Variants in OGDH observed in about 807,000 individuals in gnomAD.
The protein encoded by OGDH is oxoglutarate dehydrogenase, also known as 2-oxoglutarate dehydrogenase complex component E1.
OGDH carries 38 observed loss-of-function variants against 116.6 expected under a neutral mutation model. The ratio of observed to expected loss-of-function variants is 0.33; its 90% CI spans 0.25 to 0.43. The LOEUF is 0.43. OGDH is among the 20% of genes least tolerant of loss of function. The pLI is 1.00. For missense variants in OGDH, 825 were observed against 1,357.2 expected (o/e 0.61, Z 6.16); for synonymous variants, 488 against 533.3 (o/e 0.92, Z 1.17).
intron 9 of OGDH, among the ~76,000 whole-genome samples, chr7:44,678,605 C>T (rs905855842): frequency 3.9e-5 from 6 of 152,142 alleles, no homozygotes; most frequent in South Asian, 2.1e-4. Context: ...TTCCAGTCTA[C>T]ACAAACCTTG....
chr7:44,616,792 TA>T (rs1784801160), intron 1 of OGDH, among the ~76,000 whole-genome samples: 1 of 115,242 alleles, frequency 8.7e-6, no homozygotes, highest in Non-Finnish European at 1.8e-5. Context: ...TGCATATATA[TA>T]TGTGTATATA....
chr7:44,679,121 G>A lies in OGDH; in HGVS notation c.1207-2599G>A, dbSNP rs78784451. 4.2e-3 allele frequency among the ~76,000 whole-genome samples: 636 copies of A among 152,312 alleles called. 8 individuals carry two copies. Among genetic ancestry groups the A allele is most frequent in the African/African-American group, 0.015 (614 of 41,568 alleles). ...GCAGACAGTTACCACAGTGCAGTATGGCATGGTAGTCGCAGTACAACATCA... is the reference window on the plus strand; with the variant it reads ...GCAGACAGTTACCACAGTGCAGTATAGCATGGTAGTCGCAGTACAACATCA... On this transcript the variant is annotated intron_variant, in intron 9 of 22. Transcript: ENST00000222673.
chr7:44,609,201 G>C (rs12112075), intron 1 of OGDH, among the ~76,000 whole-genome samples: 1 of 151,946 alleles, frequency 6.6e-6, no homozygotes, highest in South Asian at 2.1e-4. Flanking sequence ...AGGTTGTTGC[G>C]TGTTATGGGT....
intron 20 of OGDH, among the ~76,000 whole-genome samples, chr7:44,704,955 C>T (rs1470935929): frequency 6.6e-6 from 1 of 151,958 alleles, no homozygotes; most frequent in East Asian, 1.9e-4. Flanking sequence ...AGGTGATCTG[C>T]CCACCACAGC....
At chr7:44,643,772 G>A (rs942598544) in intron 2 of OGDH, among the ~76,000 whole-genome samples, 9 of 152,186 alleles carry the variant, frequency 5.9e-5, no homozygotes, top group African/African-American at 2.2e-4. Flanking sequence ...TTGTTAGAAG[G>A]AGAATGCAAA....
At chr7:44,638,730 C>T (rs1479215793) in intron 2 of OGDH, among the ~76,000 whole-genome samples, 2 of 152,248 alleles carry the variant, frequency 1.3e-5, no homozygotes, top group Admixed American at 6.5e-5. Context: ...TCTCAGTGAG[C>T]CATCAGCCAC....
Position 44,645,342 on chromosome 7 carries a change from T to C in OGDH, c.238T>C (p.Phe80Leu). Residue 80 changes from phenylalanine to leucine, a missense_variant, in exon 3 of 23, where the codon TTT becomes CTT. Coordinates refer to ENST00000222673, the MANE Select transcript of OGDH (RefSeq NM_002541.4). ...TTGTCTTTAGTCATGGGACATTTTTTTTCGCAACACGAATGCCGGAGCCCC... is the reference window on the plus strand; with the variant it reads ...TTGTCTTTAGTCATGGGACATTTTTCTTCGCAACACGAATGCCGGAGCCCC... ...KSVHKSWDIF[F>L]RNTNAGAPPG... is the part of the protein sequence containing the mutation. 6.2e-7 allele frequency: 1 copy of C among 1,614,094 alleles called. No homozygotes were observed. Among genetic ancestry groups the C allele is most frequent in the Non-Finnish European group, 8.5e-7 (1 of 1,179,982 alleles).
At chr7:44,646,006 A>G (rs1194803988) in intron 3 of OGDH, among the ~76,000 whole-genome samples, 1 of 152,116 alleles carries the variant, frequency 6.6e-6, no homozygotes, top group African/African-American at 2.4e-5. Context: ...GCCTACAGAG[A>G]GTGATGAGGG....
chr7:44,707,473 T>C lies in OGDH; in HGVS notation c.2796+85T>C, dbSNP rs1789134933. 1.3e-6 allele frequency: 2 copies of C among 1,595,532 alleles called. No homozygotes were observed. Among genetic ancestry groups the C allele is most frequent in the East Asian group, 4.5e-5 (2 of 44,716 alleles). On this transcript the variant is annotated intron_variant, in intron 21 of 22. Transcript: ENST00000222673. The surrounding 1 kb of genome is among the most constrained non-coding windows in gnomAD (Gnocchi z 5.2). ...TCACAGAACAGCCTTGCTTGGGGTGTGGCCCTCAGGTTCCTGACCTTCCCT... is the reference window on the plus strand; with the variant it reads ...TCACAGAACAGCCTTGCTTGGGGTGCGGCCCTCAGGTTCCTGACCTTCCCT...
intron 2 of OGDH, among the ~76,000 whole-genome samples, chr7:44,639,748 G>A (rs1164317969): frequency 6.6e-6 from 1 of 152,180 alleles, no homozygotes; most frequent in Admixed American, 6.5e-5. Flanking sequence ...CTGAAGGTGG[G>A]GCAGGGTGCT....
At chr7:44,612,149 A>G (rs1784590453) in intron 1 of OGDH, among the ~76,000 whole-genome samples, 1 of 152,118 alleles carries the variant, frequency 6.6e-6, no homozygotes, top group Non-Finnish European at 1.5e-5. Flanking sequence ...CGTTTGTTTG[A>G]GAAGACTGTT....
At chr7:44,666,974 C>G in intron 5 of OGDH, 123 bp downstream of exon 5, 2 of 626,004 alleles carry the variant, frequency 3.2e-6, no homozygotes, top group African/African-American at 1.9e-5. Flanking sequence ...TTCTCTGAGA[C>G]AGAGTTACTG....
At chr7:44,664,255 T>G (rs911126815) in intron 4 of OGDH, among the ~76,000 whole-genome samples, 2 of 152,228 alleles carry the variant, frequency 1.3e-5, no homozygotes, top group African/African-American at 4.8e-5. Flanking sequence ...CACTCAAGTA[T>G]CCACCGTTAC....
intron 2 of OGDH, among the ~76,000 whole-genome samples, chr7:44,632,200 A>G (rs1449371350): frequency 6.6e-6 from 1 of 152,154 alleles, no homozygotes; most frequent in African/African-American, 2.4e-5. Context: ...TGGGATCCCC[A>G]AGAGCAGGAG....
intron 6 of OGDH, 147 bp from the exon 7 acceptor site, chr7:44,674,264 C>G (rs112069450): frequency 4.4e-6 from 4 of 912,508 alleles, no homozygotes; most frequent in Non-Finnish European, 6.8e-6. Context: ...AGGCTGGTCT[C>G]GAACTCCTGA....
At chr7:44,668,229 G>T (rs1242113532) in intron 5 of OGDH, among the ~76,000 whole-genome samples, 3 of 152,120 alleles carry the variant, frequency 2.0e-5, no homozygotes, top group Admixed American at 6.5e-5. Context: ...ATAAGGTCGG[G>T]AGTTCAAGAC....
At position 44,676,346 on chromosome 7, in the gene OGDH, G is replaced by A. The variant is rs1023727716; in HGVS notation, c.1206+197G>A. On this transcript the variant is annotated intron_variant, in intron 9 of 22. Transcript: ENST00000222673. The stretch of plus-strand genomic sequence containing the variant: ...CGAGGTGGGCAGATCACCTGAGTTC[G>A]GGAGTTGGAGACCAGCCTGACCAAC... 5.2e-5 allele frequency: 64 copies of A among 1,221,512 alleles called. 1 individual carries two copies. The highest frequency in any genetic ancestry group is 5.0e-4 in the South Asian group (33 of 65,780). 75.7% of individuals were successfully genotyped at this position (1,221,512 alleles called of 1,614,324 possible).
chr7:44,624,872 A>AAGAC (rs757286785), intron 2 of OGDH, among the ~76,000 whole-genome samples: 1 of 152,122 alleles, frequency 6.6e-6, no homozygotes, highest in Admixed American at 6.6e-5. Flanking sequence ...GAAAGAAAGA[A>AAGAC]AGTGTGTGGA....
Position 44,650,432 on chromosome 7 carries a change from C to T in OGDH, c.517+2673C>T, listed in dbSNP as rs116107144. Among the ~76,000 whole-genome samples the T allele has an allele frequency of 2.1e-3, 326 of 152,306 alleles. 2 individuals carry two copies. The highest frequency in any genetic ancestry group is 7.6e-3 in the African/African-American group (316 of 41,558). On this transcript the variant is annotated intron_variant, in intron 4 of 22. Coordinates refer to ENST00000222673, the MANE Select transcript of OGDH (RefSeq NM_002541.4). ...TGCTTAACCTCTCTGTGCCTCATCA[C>T]CTCATCTGTAAGGCAGGGGTGATGG...
Sources: allele counts gnomAD v4.1 joint callset (sites outside exome capture counted in the v4.1 genomes callset), GRCh38; gene constraint gnomAD v4.1.1; non-coding constraint Gnocchi (gnomAD v3.1); transcripts MANE v1.5; gene names NCBI Gene and HGNC (gene_info 2026-07-23, HGNC 2026-07-21).